The following NEK10 variants were observed in gnomAD, a reference collection of about 807,000 sequenced individuals.
NEK10 encodes serine/threonine-protein kinase Nek10.
NEK10 carries 122 observed loss-of-function variants against 159.8 expected under a neutral mutation model. The observed-to-expected ratio is 0.76, with a 90% CI of 0.66 to 0.89. The LOEUF (loss-of-function observed/expected upper bound fraction) is 0.89, where lower values mean the gene tolerates loss of function less well. Ranked by LOEUF, NEK10 falls within the 40% of genes least tolerant of loss-of-function variation. NEK10 has a pLI of 0.00. For missense variants in NEK10, 1,342 were observed against 1,323.1 expected, an observed-to-expected ratio of 1.01 and a Z score of -0.22; for synonymous variants, 466 against 457.1, an observed-to-expected ratio of 1.02 and a Z score of -0.25.
chr3:27,305,079 G>T (rs2044131533), intron 11 of NEK10, 108 bp from the exon 12 acceptor site: 4 of 711,848 alleles, frequency 5.6e-6, no homozygotes, highest in Non-Finnish European at 9.4e-6. Flanking sequence ...CTAACATTTT[G>T]TAAGTCATGG....
intron 23 of NEK10, among the ~76,000 whole-genome samples, chr3:27,231,534 C>G (rs947874022): frequency 6.1e-4 from 93 of 151,420 alleles, no homozygotes; most frequent in African/African-American, 2.1e-3. Context: ...CAAAAAAGTA[C>G]AAAAGATAAA....
intron 23 of NEK10, among the ~76,000 whole-genome samples, chr3:27,215,298 T>TA (rs964926859): frequency 1.3e-5 from 2 of 152,212 alleles, no homozygotes; most frequent in African/African-American, 4.8e-5. Context: ...ACTATCTGGG[T>TA]AACCCATGGG....
chr3:27,351,387 C>G (rs1032657524), intron 3 of NEK10, among the ~76,000 whole-genome samples: 1 of 152,112 alleles, frequency 6.6e-6, no homozygotes, highest in African/African-American at 2.4e-5. Flanking sequence ...GAAGCACACA[C>G]TGCAAAGATA....
intron 5 of NEK10, among the ~76,000 whole-genome samples, chr3:27,332,451 T>A (rs1268730647): frequency 6.6e-6 from 1 of 152,248 alleles, no homozygotes; most frequent in Non-Finnish European, 1.5e-5. Flanking sequence ...AAACATACCT[T>A]CATCATTTTC....
intron 32 of NEK10, among the ~76,000 whole-genome samples, chr3:27,122,966 T>C (rs1281598135): frequency 2.0e-5 from 3 of 152,178 alleles, no homozygotes; most frequent in Admixed American, 6.6e-5. Context: ...GGCACACGGA[T>C]GAAGGCAAGG....
At position 27,349,950 on chromosome 3, in the gene NEK10, C is replaced by A. The variant is rs1186450532; in HGVS notation, c.132+2515G>T. Among the ~76,000 whole-genome samples, 4 of 152,110 alleles carry A rather than the reference C, an allele frequency of 2.6e-5. No homozygotes were observed. The East Asian group carries it at 7.8e-4, about 29-fold the overall frequency. On this transcript the variant is annotated intron_variant, in intron 3 of 35. Coordinates refer to ENST00000691995, the MANE Select transcript of NEK10 (RefSeq NM_001394966.1). The stretch of plus-strand genomic sequence containing the variant: ...GAGATACACAGAGTGTAGGTCAGGA[C>A]AAAGAACAAAAGTAGAACACTGGAA...
chr3:27,153,863 C>CACA (rs1945138661), intron 30 of NEK10, among the ~76,000 whole-genome samples: 1 of 152,000 alleles, frequency 6.6e-6, no homozygotes, highest in African/African-American at 2.4e-5. Flanking sequence ...ACTGAAAGAG[C>CACA]ACAAACTGAC....
Position 27,259,101 on chromosome 3 carries a change from G to C in NEK10, c.2015-2730C>G, listed in dbSNP as rs188756138. Among the ~76,000 whole-genome samples, 3 of 151,880 alleles carry C rather than the reference G, an allele frequency of 2.0e-5. No homozygotes were observed. In the East Asian group the frequency reaches 5.8e-4, roughly 29 times the overall value. The stretch of plus-strand genomic sequence containing the variant: ...TATTGTAAATTTGAGGGAGTTCACT[G>C]TAGATTCTGGATATTAGCCCTTTGT... On this transcript the variant is annotated intron_variant, in intron 22 of 35. Coordinates refer to ENST00000691995, the MANE Select transcript of NEK10 (RefSeq NM_001394966.1).
At chr3:27,179,661 A>T (rs1160709898) in intron 26 of NEK10, among the ~76,000 whole-genome samples, 1 of 152,240 alleles carries the variant, frequency 6.6e-6, no homozygotes, top group African/African-American at 2.4e-5. Flanking sequence ...CCATCACAAC[A>T]ATACTGACCA....
chr3:27,264,438 C>T (rs191529137), intron 22 of NEK10, among the ~76,000 whole-genome samples: 1 of 152,212 alleles, frequency 6.6e-6, no homozygotes, highest in African/African-American at 2.4e-5. Flanking sequence ...AAGCATAATA[C>T]ATAATGATCA....
chr3:27,292,495 G>C (rs2043065020), intron 16 of NEK10, among the ~76,000 whole-genome samples: 3 of 152,100 alleles, frequency 2.0e-5, no homozygotes, highest in African/African-American at 7.2e-5. Flanking sequence ...TAAAATCTTT[G>C]AGTTCACTAA....
At chr3:27,124,444 C>T (rs1941703143) in intron 32 of NEK10, among the ~76,000 whole-genome samples, 1 of 152,122 alleles carries the variant, frequency 6.6e-6, no homozygotes, top group South Asian at 2.1e-4. Flanking sequence ...ATTCTAGACA[C>T]AGTAGATATT....
At chr3:27,236,544 A>G (rs531703235) in intron 23 of NEK10, among the ~76,000 whole-genome samples, 12 of 152,278 alleles carry the variant, frequency 7.9e-5, no homozygotes, top group African/African-American at 2.9e-4. Flanking sequence ...TCTGAGAAAT[A>G]AAGAGAAAGA....
intron 19 of NEK10, 101 bp from the exon 20 acceptor site, chr3:27,287,844 A>G: frequency 8.4e-7 from 1 of 1,189,226 alleles, no homozygotes; most frequent in Non-Finnish European, 1.1e-6. Context: ...CTACAAAGAA[A>G]TTATATTTAT....
At chr3:27,242,581 G>T (rs1309620393) in intron 23 of NEK10, among the ~76,000 whole-genome samples, 2 of 152,180 alleles carry the variant, frequency 1.3e-5, no homozygotes, top group East Asian at 1.9e-4. Flanking sequence ...TAGGGGAAGG[G>T]ACAGCCACAC....
intron 3 of NEK10, among the ~76,000 whole-genome samples, chr3:27,347,785 T>A (rs575359256): frequency 6.6e-6 from 1 of 152,166 alleles, no homozygotes; most frequent in African/African-American, 2.4e-5. Context: ...CAATGCTTAG[T>A]GGTTAAGAGA....
intron 1 of NEK10, among the ~76,000 whole-genome samples, chr3:27,367,750 T>C (rs1404598534): frequency 6.6e-6 from 1 of 152,108 alleles, no homozygotes; most frequent in Non-Finnish European, 1.5e-5. Flanking sequence ...AAAGAAACAG[T>C]AATCAAGCAA....
chr3:27,305,812 C>T (rs992376887), intron 11 of NEK10, among the ~76,000 whole-genome samples: 4 of 152,006 alleles, frequency 2.6e-5, no homozygotes, highest in Non-Finnish European at 4.4e-5. Context: ...TTCAGCTGTG[C>T]CATGAAATAT....
chr3:27,114,784 C>G (rs1559470769), intron 35 of NEK10, among the ~76,000 whole-genome samples: 1 of 152,162 alleles, frequency 6.6e-6, no homozygotes, highest in African/African-American at 2.4e-5. Context: ...AGAATATACT[C>G]CAAAGGACTA....
Sources: allele counts gnomAD v4.1 joint callset (sites outside exome capture counted in the v4.1 genomes callset), GRCh38; gene constraint gnomAD v4.1.1; transcripts MANE v1.5; gene names NCBI Gene and HGNC (gene_info 2026-07-23, HGNC 2026-07-21).